USP31: variants seen among roughly 807,000 people sequenced by gnomAD.
USP31 encodes ubiquitin specific peptidase 31.
A neutral mutation model predicts 119.4 loss-of-function variants in USP31; 44 were observed. The ratio of observed to expected loss-of-function variants is 0.37; its 90% CI spans 0.29 to 0.47. The LOEUF (loss-of-function observed/expected upper bound fraction) is 0.47. USP31 is among the 20% of genes least tolerant of loss of function. The pLI is 0.99. For synonymous variants in USP31, 749 were observed against 705.6 expected (o/e 1.06, Z -0.97); for missense variants, 1,643 against 1,730.2 (o/e 0.95, Z 0.89).
intron 6 of USP31, among the ~76,000 whole-genome samples, chr16:23,096,080 G>A (rs1901593913): frequency 6.6e-6 from 1 of 152,182 alleles, no homozygotes; most frequent in South Asian, 2.1e-4. Flanking sequence ...CCATCAGTGT[G>A]CTGTATTCAG....
intron 1 of USP31, among the ~76,000 whole-genome samples, chr16:23,136,803 A>C (rs1903207084): frequency 6.6e-6 from 1 of 152,262 alleles, no homozygotes; most frequent in South Asian, 2.1e-4. Flanking sequence ...ACCACCACTA[A>C]CAAAAAACTA....
intron 1 of USP31, among the ~76,000 whole-genome samples, chr16:23,146,832 T>G (rs1903522114): frequency 6.6e-6 from 1 of 152,136 alleles, no homozygotes; most frequent in African/African-American, 2.4e-5. Flanking sequence ...ATAAAGAAGC[T>G]TTATAGCACC....
intron 1 of USP31, among the ~76,000 whole-genome samples, chr16:23,123,408 C>T (rs1160449668): frequency 1.3e-5 from 2 of 151,990 alleles, no homozygotes; most frequent in African/African-American, 4.8e-5. Flanking sequence ...CGTGTTGGTG[C>T]CCGCCTGTAA....
At position 23,069,380 on chromosome 16, in the gene USP31, T is replaced by C; in HGVS notation, c.2725A>G (p.Ile909Val). 6.2e-7 allele frequency: 1 copy of C among 1,610,510 alleles called. No homozygotes were observed. Among genetic ancestry groups the C allele is most frequent in the Non-Finnish European group, 8.5e-7 (1 of 1,177,198 alleles). ...TTCCGCAAGCTACCAAAGCAAGAGATGGAGACCTTGTCATCTGCTGCCTCC... is the reference window on the plus strand; with the variant it reads ...TTCCGCAAGCTACCAAAGCAAGAGACGGAGACCTTGTCATCTGCTGCCTCC... The part of the protein sequence containing the change: ...IGEAADDKVS[I>V]SCFGSLRNLS... The change falls in exon 16 of 16, where the codon ATC (isoleucine) becomes GTC (valine). Residue 909 changes from isoleucine (I) to valine (V), a missense_variant. Transcript: ENST00000219689.
At chr16:23,123,600 T>C (rs981825013) in intron 1 of USP31, among the ~76,000 whole-genome samples, 3 of 152,116 alleles carry the variant, frequency 2.0e-5, no homozygotes, top group African/African-American at 7.2e-5. Flanking sequence ...GGAAAAACAC[T>C]AAAGTTTCTT....
chr16:23,063,922 G>T lies in USP31; in HGVS notation c.*4124C>A, dbSNP rs1274743835. The T allele has an allele frequency of 6.6e-6, 1 of 152,190 alleles. No homozygotes were observed. The highest frequency in any genetic ancestry group is 2.4e-5 in the African/African-American group (1 of 41,414). The allele number at this position is 152,190 out of a possible 1,614,324, so 9.4% of individuals were successfully genotyped here. Reference sequence around the variant, plus strand: ...GTTGATCAAAAGGCAGTGTGAGAGTGTTCATTTAAATAAAACCACTGGATT... The same window carrying T: ...GTTGATCAAAAGGCAGTGTGAGAGTTTTCATTTAAATAAAACCACTGGATT... On this transcript the variant is annotated 3_prime_UTR_variant, in exon 16 of 16. Transcript: ENST00000219689.
At chr16:23,127,074 T>C (rs1466296191) in intron 1 of USP31, among the ~76,000 whole-genome samples, 1 of 152,158 alleles carries the variant, frequency 6.6e-6, no homozygotes, top group Non-Finnish European at 1.5e-5. Context: ...TTTAATATAA[T>C]TATGATGCAA....
At chr16:23,124,347 G>C in intron 1 of USP31, among the ~76,000 whole-genome samples, 1 of 152,166 alleles carries the variant, frequency 6.6e-6, no homozygotes, top group East Asian at 1.9e-4. Context: ...GGTTAAAATT[G>C]TAAGGATCTG....
At chr16:23,100,024 TAATC>T (rs1242097316) in intron 6 of USP31, among the ~76,000 whole-genome samples, 1 of 152,102 alleles carries the variant, frequency 6.6e-6, no homozygotes, top group African/African-American at 2.4e-5. Context: ...AGTCAGATAA[TAATC>T]AAGTGTTGGC....
chr16:23,141,934 T>C (rs1903364631), intron 1 of USP31, among the ~76,000 whole-genome samples: 1 of 152,164 alleles, frequency 6.6e-6, no homozygotes, highest in Admixed American at 6.5e-5. Flanking sequence ...ACTTACACTT[T>C]CATACACAAT....
chr16:23,101,284 T>C (rs1360404562), intron 6 of USP31, among the ~76,000 whole-genome samples: 2 of 152,150 alleles, frequency 1.3e-5, no homozygotes, highest in Non-Finnish European at 2.9e-5. Context: ...GGAGAAGTTA[T>C]CAAGCTTGGA....
intron 7 of USP31, among the ~76,000 whole-genome samples, chr16:23,089,970 T>C (rs904713756): frequency 6.6e-6 from 1 of 152,082 alleles, no homozygotes; most frequent in African/African-American, 2.4e-5. Flanking sequence ...ACCATCCAAG[T>C]AGACATGTTA....
rs1309608044 is a variant in USP31, at chr16:23,149,314, C to T, written c.-44G>A. ...TCATCACCGCGCCCGCCCGCCCGGC[C>T]CGCGGCCCCGCCACGGCCGCCGCCG... On this transcript the variant is annotated 5_prime_UTR_variant, in exon 1 of 16. Coordinates refer to ENST00000219689, the MANE Select transcript of USP31 (RefSeq NM_020718.4). 1 of 1,022,664 alleles carries T rather than the reference C, an allele frequency of 9.8e-7. No individual in the cohort carries two copies. Among genetic ancestry groups the T allele is most frequent in the African/African-American group, 1.7e-5 (1 of 57,166 alleles). The allele number at this position is 1,022,664 out of a possible 1,614,324, so 63.3% of individuals were successfully genotyped here.
At chr16:23,107,511 A>G (rs1902156932) in intron 2 of USP31, among the ~76,000 whole-genome samples, 1 of 152,246 alleles carries the variant, frequency 6.6e-6, no homozygotes. Context: ...GCCCAAGGGA[A>G]GCAACTCTTT....
At chr16:23,112,722 A>C (rs1395286907) in intron 1 of USP31, among the ~76,000 whole-genome samples, 1 of 151,804 alleles carries the variant, frequency 6.6e-6, no homozygotes, top group Non-Finnish European at 1.5e-5. Context: ...AGAAGAGAAG[A>C]TTTCCTAATT....
At chr16:23,115,815 TTTTA>T (rs1217619957) in intron 1 of USP31, 2 of 980,564 alleles carry the variant, frequency 2.0e-6, no homozygotes, top group Non-Finnish European at 2.4e-6. Flanking sequence ...GAGAGAATGT[TTTTA>T]TTTTTTTCCC....
At chr16:23,091,824 A>T (rs1901375614) in intron 6 of USP31, among the ~76,000 whole-genome samples, 1 of 152,236 alleles carries the variant, frequency 6.6e-6, no homozygotes, top group African/African-American at 2.4e-5. Context: ...TTTTAAGCTT[A>T]AACACCATAA....
intron 12 of USP31, among the ~76,000 whole-genome samples, chr16:23,081,306 G>C (rs1014928371): frequency 3.9e-5 from 6 of 152,194 alleles, no homozygotes; most frequent in Non-Finnish European, 8.8e-5. Flanking sequence ...CCCTCAGCCA[G>C]CTTTCCACCT....
At position 23,106,740 on chromosome 16, in the gene USP31, C is replaced by T. The variant is rs1023779367; in HGVS notation, c.772-253G>A. Among the ~76,000 whole-genome samples, 3 of 152,136 alleles carry T rather than the reference C, an allele frequency of 2.0e-5. No individual in the cohort carries two copies. In the East Asian group the frequency reaches 5.8e-4, roughly 29 times the overall value. ...ACTCAGCCGGGCAGCTCCCCTTCCC[C>T]AGGATGCTCCAGTTCCCCTCCAATT... On this transcript the variant is annotated intron_variant, in intron 2 of 15. Transcript: ENST00000219689.
Sources: gnomAD v4.1 joint callset for allele counts (sites outside exome capture counted in the v4.1 genomes callset) on GRCh38, gnomAD v4.1.1 for gene constraint, MANE v1.5 for transcripts, NCBI Gene and HGNC (gene_info 2026-07-23, HGNC 2026-07-21) for gene names.